DBF4B: variants seen among roughly 807,000 people sequenced by gnomAD.
DBF4B encodes the protein protein DBF4 homolog B.
Under a neutral mutation model 53.4 loss-of-function variants are expected in DBF4B, and 49 were observed. That is an observed-to-expected ratio of 0.92 (90% CI 0.73 to 1.16). DBF4B has a LOEUF of 1.16. Among genes scored for constraint, DBF4B ranks in the 50% most tolerant of loss-of-function variants. DBF4B has a pLI of 0.00. For synonymous variants in DBF4B, 257 were observed against 288.7 expected, an observed-to-expected ratio of 0.89 and a Z score of 1.11; for missense variants, 692 against 775.0, an observed-to-expected ratio of 0.89 and a Z score of 1.27.
At chr17:44,746,053 C>CAA (rs61654485) in intron 10 of DBF4B, among the ~76,000 whole-genome samples, 1 of 110,660 alleles carries the variant, frequency 9.0e-6, no homozygotes, top group African/African-American at 3.4e-5. Context: ...ACTAAAAATA[C>CAA]AAAAAAAAAA....
chr17:44,741,889 G>A (rs539924249), intron 10 of DBF4B, among the ~76,000 whole-genome samples: 1 of 152,144 alleles, frequency 6.6e-6, no homozygotes, highest in African/African-American at 2.4e-5. Flanking sequence ...ACAATAGACC[G>A]CTTTCTCAAA....
chr17:44,717,205 C>G (rs1568162192), intron 2 of DBF4B, among the ~76,000 whole-genome samples: 1 of 152,118 alleles, frequency 6.6e-6, no homozygotes, highest in East Asian at 1.9e-4. Flanking sequence ...ATTTATTTAT[C>G]TCTTTGTGAT....
At chr17:44,729,213 CT>C (rs35707448) in intron 3 of DBF4B, among the ~76,000 whole-genome samples, 33 of 140,894 alleles carry the variant, frequency 2.3e-4, no homozygotes, top group Admixed American at 3.5e-4. Flanking sequence ...CTTTTTTTTT[CT>C]TTTTTTTTTA....
In DBF4B at chr17:44,747,024, G is replaced by A. The variant is rs558831460; in HGVS notation, c.831-59G>A. On this transcript the variant is annotated intron_variant, in intron 10 of 13. Coordinates refer to ENST00000315005, the MANE Select transcript of DBF4B (RefSeq NM_145663.3). ...CCTAGGCTCCAGGCTCTAAGTAGTG[G>A]CTCCTCCCCCCAAGGGCCCCAGCAG... 1.3e-5 allele frequency: 19 copies of A among 1,506,834 alleles called. No individual in the cohort carries two copies. The African/African-American group carries it at 2.1e-4, about 16-fold the overall frequency. The allele number at this position is 1,506,834 out of a possible 1,614,324, so 93.3% of individuals were successfully genotyped here.
intron 3 of DBF4B, among the ~76,000 whole-genome samples, chr17:44,727,098 CAAAAAAAAAAAAA>C (rs60326279): frequency 2.0e-5 from 1 of 49,502 alleles, no homozygotes; most frequent in Admixed American, 3.1e-4. Flanking sequence ...GACTCCATCT[CAAAAAAAAAAAAA>C]AAAAAAAAAA....
chr17:44,749,889 G>T lies in DBF4B; in HGVS notation c.1190-706G>T. The T allele has an allele frequency of 9.6e-7, 1 of 1,038,416 alleles. No individual in the cohort carries two copies. Among genetic ancestry groups the T allele is most frequent in the African/African-American group, 1.7e-5 (1 of 59,284 alleles). 64.3% of individuals were successfully genotyped at this position (1,038,416 alleles called of 1,614,324 possible). A position where few individuals can be genotyped will look rare whatever the true frequency, so the allele number is the denominator to read the frequency against. ...ATGACTGTGTTTGTCCCCTCCCCCA[G>T]CCCCCCACGCTCCCGCACACAGATC... On this transcript the variant is annotated intron_variant, in intron 13 of 13. Coordinates refer to ENST00000315005, the MANE Select transcript of DBF4B (RefSeq NM_145663.3). This position sits in a 1 kb window ranked among gnomAD's most constrained non-coding sequence, Gnocchi z 4.4.
At chr17:44,743,145 GC>G (rs1976246184) in intron 10 of DBF4B, among the ~76,000 whole-genome samples, 1 of 152,220 alleles carries the variant, frequency 6.6e-6, no homozygotes, top group African/African-American at 2.4e-5. Context: ...CTTGGCGCTG[GC>G]AGTGATGCTA....
Position 44,730,076 on chromosome 17 carries a change from T to C in DBF4B, c.397T>C (p.Ser133Pro). 1.2e-6 allele frequency: 2 copies of C among 1,612,590 alleles called. No homozygotes were observed. The highest frequency in any genetic ancestry group is 1.7e-6 in the Non-Finnish European group (2 of 1,179,992). The change falls in exon 4 of 14, where the codon TCA becomes CCA. Residue 133 changes from serine (S) to proline (P), a missense_variant. Physicochemically the swap from Ser to Pro is moderately conservative, Grantham distance 74. Around this residue, in one of 3 missense-constraint regions of DBF4B, gnomAD observed 597 missense variants for 665.8 expected, o/e 0.90. Coordinates refer to ENST00000315005, the MANE Select transcript of DBF4B (RefSeq NM_145663.3). ...TCCAAAAGGCAGCCACCCCAGGCCT[T>C]CACGGAAACCCGTTGACTCGGTAAG... The part of the protein sequence containing the change: ...VDPKGSHPRP[S>P]RKPVDSVPLS...
rs758683040 is a variant in DBF4B at position 44,750,722 on chromosome 17, G to A, written c.1317G>A (p.Arg439=). Residue 439 remains arginine (R), a synonymous_variant, in exon 14 of 14, where the codon AGG becomes AGA. Coordinates refer to ENST00000315005, the MANE Select transcript of DBF4B (RefSeq NM_145663.3). ...TGCCGGCCTTGCCCAAGGGCTCCAG[G>A]GAGCAGGGCTGCCTCTGTCCCTGCC... ...TLLPALPKGS[R]EQGCLCPCPA... is the part of the protein sequence containing the mutation. The A allele has an allele frequency of 1.6e-5, 26 of 1,614,126 alleles. No homozygotes were observed. In the South Asian group the frequency reaches 1.6e-4, roughly 10 times the overall value.
At chr17:44,730,631 G>A (rs1285894138) in intron 4 of DBF4B, among the ~76,000 whole-genome samples, 1 of 152,194 alleles carries the variant, frequency 6.6e-6, no homozygotes, top group Non-Finnish European at 1.5e-5. Context: ...TTTCTAAAGT[G>A]AAACATTTGC....
chr17:44,718,139 T>C lies in DBF4B; in HGVS notation c.83-4741T>C, dbSNP rs118153211. Among the ~76,000 whole-genome samples the C allele has an allele frequency of 1.2e-3, 175 of 151,332 alleles. 4 individuals are homozygous for C. The East Asian group carries it at 0.03, about 26-fold the overall frequency. On this transcript the variant is annotated intron_variant, in intron 2 of 13. Transcript: ENST00000315005. Reference sequence around the variant, plus strand: ...CCAATGTTCTTGTCCTGGTTTAAGATTACATGTTGCAGCTGGGCACGATGG... The same window carrying C: ...CCAATGTTCTTGTCCTGGTTTAAGACTACATGTTGCAGCTGGGCACGATGG...
In DBF4B at chr17:44,747,516, G is replaced by C. The variant is rs1445111670; in HGVS notation, c.1064+1G>C. 1.9e-6 allele frequency: 3 copies of C among 1,613,678 alleles called. No individual in the cohort carries two copies. The highest frequency in any genetic ancestry group is 4.5e-5 in the East Asian group (2 of 44,882). On this transcript the variant is annotated splice_donor_variant, in intron 12 of 13. Transcript: ENST00000315005. LOFTEE classifies it high-confidence loss of function. ...TCCCTTTCCAGGCTGGCCTCCCCAG[G>C]TGAGTGCCACGCTGGCAGGCACAAC...
chr17:44,708,693 G>C lies in DBF4B; in HGVS notation c.-128G>C. On this transcript the variant is annotated 5_prime_UTR_variant, in exon 1 of 14. Coordinates refer to ENST00000315005, the MANE Select transcript of DBF4B (RefSeq NM_145663.3). ...CTGAAGCCGCGGCCGAAAACGCCAA[G>C]AGATTGATGCTGTAGCTGCCCTGAG... is the stretch of plus-strand genomic sequence containing the variant. 2 of 1,163,428 alleles carry C rather than the reference G, an allele frequency of 1.7e-6. No homozygotes were observed. Among genetic ancestry groups the C allele is most frequent in the Non-Finnish European group, 2.3e-6 (2 of 860,978 alleles). 72.1% of individuals were successfully genotyped at this position (1,163,428 alleles called of 1,614,324 possible).
chr17:44,746,067 AAAAAAAG>A (rs894520241), intron 10 of DBF4B, among the ~76,000 whole-genome samples: 6 of 150,742 alleles, frequency 4.0e-5, no homozygotes, highest in Non-Finnish European at 8.9e-5. Context: ...AAAAAAAAAA[AAAAAAAG>A]AAAGAAAATT....
chr17:44,749,816 A>C lies in DBF4B; in HGVS notation c.1190-779A>C. ...TAGCTGTTGGTGTGCTCCACCCCCAACCCCGGCCTCCTTTCTCACGAGCAT... is the reference window on the plus strand; with the variant it reads ...TAGCTGTTGGTGTGCTCCACCCCCACCCCCGGCCTCCTTTCTCACGAGCAT... On this transcript the variant is annotated intron_variant, in intron 13 of 13. Coordinates refer to ENST00000315005, the MANE Select transcript of DBF4B (RefSeq NM_145663.3). The surrounding 1 kb of genome is among the most constrained non-coding windows in gnomAD (Gnocchi z 4.4). 6 of 1,025,506 alleles carry C rather than the reference A, an allele frequency of 5.9e-6. No homozygotes were observed. Among genetic ancestry groups the C allele is most frequent in the East Asian group, 8.7e-5 (1 of 11,464 alleles). The allele number at this position is 1,025,506 out of a possible 1,614,324, so 63.5% of individuals were successfully genotyped here.
Position 44,738,424 on chromosome 17 carries a change from G to T in DBF4B, c.713G>T (p.Arg238Met). The T allele has an allele frequency of 6.2e-7, 1 of 1,613,642 alleles. No homozygotes were observed. Among genetic ancestry groups the T allele is most frequent in the Non-Finnish European group, 8.5e-7 (1 of 1,179,628 alleles). The change falls in exon 9 of 14, where the codon AGG becomes ATG. Residue 238 changes from arginine (R) to methionine (M), a missense_variant and splice_region_variant. Arg to Met is a moderately conservative substitution (Grantham distance 91). Transcript: ENST00000315005. ...APFLKIEDES[R>M]KFRPFHHQFK... ...TTCCTCAAAATCGAAGATGAAAGCAGGTGAGTGGGACCTCCTTTCTCTGCT... is the reference window on the plus strand; with the variant it reads ...TTCCTCAAAATCGAAGATGAAAGCATGTGAGTGGGACCTCCTTTCTCTGCT...
rs760927447 is a variant in DBF4B at position 44,722,870 on chromosome 17, T to C, written c.83-10T>C. 7.4e-6 allele frequency: 12 copies of C among 1,612,696 alleles called. No homozygotes were observed. The highest frequency in any genetic ancestry group is 2.7e-5 in the African/African-American group (2 of 74,736). ...AACTTCTTACTTTGCTCCTCTTTAT[T>C]GTTTTCTAGGAGTTTCCAGGTGTCT... On this transcript the variant is annotated splice_polypyrimidine_tract_variant and intron_variant, in intron 2 of 13. Coordinates refer to ENST00000315005, the MANE Select transcript of DBF4B (RefSeq NM_145663.3).
chr17:44,722,505 G>A (rs1176249294), intron 2 of DBF4B, among the ~76,000 whole-genome samples: 1 of 152,194 alleles, frequency 6.6e-6, no homozygotes, highest in Non-Finnish European at 1.5e-5. Flanking sequence ...CAGCTAGAAA[G>A]CATCCTCCTG....
At chr17:44,709,949 G>A (rs543250749) in intron 2 of DBF4B, among the ~76,000 whole-genome samples, 2 of 151,724 alleles carry the variant, frequency 1.3e-5, no homozygotes, top group African/African-American at 2.4e-5. Context: ...CAAGGCGGGC[G>A]GATCACGAGG....
Sources: allele counts gnomAD v4.1 joint callset (sites outside exome capture counted in the v4.1 genomes callset), GRCh38; gene constraint gnomAD v4.1.1; regional missense constraint gnomAD v4.1.1; non-coding constraint Gnocchi (gnomAD v3.1); transcripts MANE v1.5; gene names NCBI Gene and HGNC (gene_info 2026-07-23, HGNC 2026-07-21).